STXBP4: variants seen among roughly 807,000 people sequenced by gnomAD.
The protein encoded by STXBP4 is syntaxin binding protein 4, also known as syntaxin-binding protein 4.
A neutral mutation model predicts 76.1 loss-of-function variants in STXBP4; 55 were observed. The ratio of observed to expected loss-of-function variants is 0.72; its 90% CI spans 0.58 to 0.91. The LOEUF (loss-of-function observed/expected upper bound fraction) is 0.91, where lower values mean the gene tolerates loss of function less well. STXBP4 is among the 40% of genes least tolerant of loss of function. The pLI, the probability that STXBP4 is intolerant of heterozygous loss-of-function variation, is 0.00. For missense variants in STXBP4, 618 were observed against 636.9 expected, an observed-to-expected ratio of 0.97 and a Z score of 0.32; for synonymous variants, 201 against 220.2, an observed-to-expected ratio of 0.91 and a Z score of 0.77.
At chr17:55,175,106 A>G (rs1278254429), downstream of STXBP4, among the ~76,000 whole-genome samples, 2 of 152,164 alleles carry the variant, frequency 1.3e-5, no homozygotes, top group Non-Finnish European at 2.9e-5. Context: ...TTGAGTGTGG[A>G]TGTGGCCTTC....
intron 8 of STXBP4, among the ~76,000 whole-genome samples, chr17:55,012,273 CTG>C (rs111698442): frequency 6.6e-6 from 1 of 152,240 alleles, no homozygotes; most frequent in African/African-American, 2.4e-5. Context: ...GGGGAGGAAA[CTG>C]TGTCCTCATG....
chr17:55,049,339 G>A (rs1231432149), intron 12 of STXBP4, among the ~76,000 whole-genome samples: 1 of 151,818 alleles, frequency 6.6e-6, no homozygotes, highest in Non-Finnish European at 1.5e-5. Flanking sequence ...TTATTGTACA[G>A]GTGAGACTAA....
intron 11 of STXBP4, among the ~76,000 whole-genome samples, chr17:55,046,526 A>G (rs911471309): frequency 1.3e-5 from 2 of 151,946 alleles, no homozygotes; most frequent in African/African-American, 4.8e-5. Context: ...TGGACATCGT[A>G]GGGTATATGC....
chr17:55,015,065 G>A (rs2078180917), intron 8 of STXBP4, among the ~76,000 whole-genome samples: 1 of 152,210 alleles, frequency 6.6e-6, no homozygotes, highest in African/African-American at 2.4e-5. Context: ...GCAGCTGACT[G>A]AGTGATAAAC....
intron 10 of STXBP4, among the ~76,000 whole-genome samples, chr17:55,037,503 A>G (rs1270807727): frequency 6.6e-6 from 1 of 151,968 alleles, no homozygotes; most frequent in Non-Finnish European, 1.5e-5. Flanking sequence ...AAAAAAAAAT[A>G]TGTTCAACCT....
the STXBP4 span, among the ~76,000 whole-genome samples, chr17:55,201,197 C>T: frequency 6.6e-6 from 1 of 152,226 alleles, no homozygotes; most frequent in African/African-American, 2.4e-5. Flanking sequence ...TTCCCCTCCA[C>T]AGTCACACTG....
chr17:55,009,041 T>A (rs2078057362), intron 8 of STXBP4, among the ~76,000 whole-genome samples: 1 of 152,216 alleles, frequency 6.6e-6, no homozygotes. Context: ...CCCTATAATC[T>A]TTTCTATATC....
At chr17:55,113,133 T>C (rs1478463909) in intron 16 of STXBP4, among the ~76,000 whole-genome samples, 2 of 151,726 alleles carry the variant, frequency 1.3e-5, no homozygotes, top group Admixed American at 6.6e-5. Flanking sequence ...AACACTGCAG[T>C]TTAAAAGATA....
chr17:55,185,263 C>CCTT, the STXBP4 span, among the ~76,000 whole-genome samples: 23 of 51,468 alleles, frequency 4.5e-4, no homozygotes, highest in African/African-American at 1.8e-3. Flanking sequence ...TTCTCCTTCT[C>CCTT]CTTCTCCTTC....
chr17:55,196,423 C>A, the STXBP4 span, among the ~76,000 whole-genome samples: 1 of 152,198 alleles, frequency 6.6e-6, no homozygotes, highest in Non-Finnish European at 1.5e-5. Context: ...TGCAAAACAT[C>A]TTCCCTTTGT....
intron 7 of STXBP4, among the ~76,000 whole-genome samples, chr17:55,004,572 A>G (rs1372615742): frequency 6.6e-6 from 1 of 151,954 alleles, no homozygotes; most frequent in Non-Finnish European, 1.5e-5. Context: ...ATGGTGGCAT[A>G]CACCTGTGGT....
chr17:54,980,584 G>A (rs543378238), intron 1 of STXBP4, among the ~76,000 whole-genome samples: 12 of 152,312 alleles, frequency 7.9e-5, no homozygotes, highest in Admixed American at 2.6e-4. Flanking sequence ...GTTTTCCATC[G>A]TTTCCTTGGT....
intron 17 of STXBP4, among the ~76,000 whole-genome samples, chr17:55,146,746 T>C (rs1157630339): frequency 6.6e-6 from 1 of 151,724 alleles, no homozygotes; most frequent in African/African-American, 2.4e-5. Context: ...AAAGAGTGGC[T>C]TAGTGAGCTG....
At chr17:55,102,468 A>G (rs531277946) in intron 16 of STXBP4, among the ~76,000 whole-genome samples, 4 of 152,064 alleles carry the variant, frequency 2.6e-5, no homozygotes, top group Non-Finnish European at 4.4e-5. Flanking sequence ...ATCTTTTTTT[A>G]TGGCTGCATA....
intron 1 of STXBP4, among the ~76,000 whole-genome samples, chr17:54,982,464 A>T (rs1293354811): frequency 6.6e-6 from 1 of 152,048 alleles, no homozygotes; most frequent in Non-Finnish European, 1.5e-5. Flanking sequence ...GTTTTTGCTG[A>T]CCTGTTTGCC....
At chr17:55,081,570 A>G (rs1462131668) in intron 16 of STXBP4, among the ~76,000 whole-genome samples, 1 of 152,192 alleles carries the variant, frequency 6.6e-6, no homozygotes, top group Non-Finnish European at 1.5e-5. Context: ...CCAAAACACA[A>G]ATATAACAGA....
intron 16 of STXBP4, among the ~76,000 whole-genome samples, chr17:55,106,771 G>T (rs997672738): frequency 1.3e-5 from 2 of 152,156 alleles, no homozygotes; most frequent in African/African-American, 4.8e-5. Flanking sequence ...TTTTCTTTAA[G>T]CATGTTGAAT....
intron 1 of STXBP4, among the ~76,000 whole-genome samples, chr17:54,982,993 C>A (rs1412417472): frequency 9.2e-5 from 14 of 152,142 alleles, no homozygotes; most frequent in Non-Finnish European, 4.4e-5. Flanking sequence ...TACAACTAGC[C>A]TGTGACAATG....
intron 4 of STXBP4, 89 bp downstream of exon 4, chr17:54,991,046 A>G: frequency 6.6e-6 from 9 of 1,373,484 alleles, no homozygotes; most frequent in Non-Finnish European, 8.6e-6. Flanking sequence ...TAGTGAATTT[A>G]TATCCACTGT....
Sources: gnomAD v4.1 joint callset for allele counts (sites outside exome capture counted in the v4.1 genomes callset) on GRCh38, gnomAD v4.1.1 for gene constraint, MANE v1.5 for transcripts, NCBI Gene and HGNC (gene_info 2026-07-23, HGNC 2026-07-21) for gene names.